Variants in PLCE1 observed in about 807,000 individuals in gnomAD.
PLCE1 encodes phospholipase C epsilon 1.
In PLCE1, 119 loss-of-function variants were observed where a neutral mutation model predicts 242.8. The ratio of observed to expected loss-of-function variants is 0.49; its 90% CI spans 0.42 to 0.57. The LOEUF is 0.57. Among genes scored for constraint, PLCE1 ranks in the 20% least tolerant of loss-of-function variants. PLCE1 has a pLI of 0.00. For missense variants in PLCE1, 2,441 were observed against 2,788.8 expected (o/e 0.88, Z 2.81); for synonymous variants, 945 against 1,017.4 (o/e 0.93, Z 1.35).
chr10:94,149,720 C>G (rs779282372), intron 3 of PLCE1, among the ~76,000 whole-genome samples: 5 of 152,102 alleles, frequency 3.3e-5, no homozygotes. Context: ...CTCCCAATTC[C>G]CTTCCATAGA....
In PLCE1 at chr10:94,089,457, T is replaced by C. The variant is rs370993177; in HGVS notation, c.1207-42717T>C. The stretch of plus-strand genomic sequence containing the variant: ...GGGGACTGTTTCTTTACTAGCACCA[T>C]TGTGCAGTGTTAGCCAAAATACAAT... On this transcript the variant is annotated intron_variant, in intron 2 of 32. Transcript: ENST00000371380. 17 of 1,115,522 alleles carry C rather than the reference T, an allele frequency of 1.5e-5. No individual in the cohort carries two copies. The East Asian group carries it at 2.6e-4, about 17-fold the overall frequency. 69.1% of individuals were successfully genotyped at this position (1,115,522 alleles called of 1,614,324 possible). A position where few individuals can be genotyped will look rare whatever the true frequency, so the allele number is the denominator to read the frequency against.
rs1380038588 is a variant in PLCE1, at chr10:94,318,606, TG to T, written c.6342+1851del. Among the ~76,000 whole-genome samples, 5 of 152,308 alleles carry T rather than the reference TG, an allele frequency of 3.3e-5. No homozygotes were observed. The East Asian group carries it at 9.7e-4, about 29-fold the overall frequency. On this transcript the variant is annotated intron_variant, in intron 29 of 32. Coordinates refer to ENST00000371380, the MANE Select transcript of PLCE1 (RefSeq NM_016341.4). ...TCCTGTGCTACCCAAGCTGAAATTG[TG>T]TCCATCCTTGTGGATCACCCACACT...
chr10:94,265,564 GCTTTAAAAAAT>G (rs2051483844), intron 14 of PLCE1, 72 bp from the exon 15 acceptor site: 1 of 1,170,748 alleles, frequency 8.5e-7, no homozygotes, highest in African/African-American at 1.5e-5. Flanking sequence ...AAACAGAACA[GCTTTAAAAAAT>G]GATGTGGTGG....
At chr10:94,215,794 A>G (rs1456031181) in intron 4 of PLCE1, among the ~76,000 whole-genome samples, 1 of 152,182 alleles carries the variant, frequency 6.6e-6, no homozygotes, top group Non-Finnish European at 1.5e-5. Context: ...ATGGTAGCAC[A>G]CACCTGTAGT....
At chr10:94,044,778 C>T (rs2061845011) in intron 2 of PLCE1, among the ~76,000 whole-genome samples, 2 of 152,242 alleles carry the variant, frequency 1.3e-5, no homozygotes, top group African/African-American at 4.8e-5. Context: ...GCACATGGAA[C>T]AGAAGCAGAA....
intron 3 of PLCE1, among the ~76,000 whole-genome samples, chr10:94,151,633 A>G (rs1361564002): frequency 6.6e-6 from 1 of 152,184 alleles, no homozygotes; most frequent in African/African-American, 2.4e-5. Flanking sequence ...CGATGGTTAC[A>G]GCTTGAGGTG....
At chr10:94,043,106 G>A (rs1484313404) in intron 2 of PLCE1, among the ~76,000 whole-genome samples, 1 of 152,162 alleles carries the variant, frequency 6.6e-6, no homozygotes, top group Non-Finnish European at 1.5e-5. Context: ...GTATATTAAA[G>A]TGCTTGGCAA....
At chr10:94,278,645 G>A (rs35443777) in intron 19 of PLCE1, among the ~76,000 whole-genome samples, 52,172 of 151,946 alleles carry the variant, frequency 0.34, 9,077 homozygotes, top group Middle Eastern at 0.47. Context: ...AAGGGATCCT[G>A]TCTCACCAGA....
intron 2 of PLCE1, among the ~76,000 whole-genome samples, chr10:94,037,394 G>C (rs141296176): frequency 5.3e-5 from 8 of 152,280 alleles, no homozygotes; most frequent in Non-Finnish European, 1.2e-4. Flanking sequence ...TGTTGTAAGG[G>C]ATTGCTGTTG....
chr10:94,094,007 T>A (rs1465075703), intron 2 of PLCE1, among the ~76,000 whole-genome samples: 30 of 127,844 alleles, frequency 2.3e-4, no homozygotes, highest in African/African-American at 9.2e-4. Context: ...AGTGGCGGGA[T>A]CTCGGCTCAC....
intron 1 of PLCE1, among the ~76,000 whole-genome samples, chr10:94,022,419 G>A (rs2061389285): frequency 6.6e-6 from 1 of 151,778 alleles, no homozygotes; most frequent in Non-Finnish European, 1.5e-5. Flanking sequence ...ATGTGTGTGT[G>A]TATTCATATG....
chr10:94,324,689 G>A (rs1383251667), intron 31 of PLCE1, 122 bp downstream of exon 31: 2 of 1,023,846 alleles, frequency 2.0e-6, no homozygotes, highest in Admixed American at 1.9e-5. Context: ...ATGGAGTTAG[G>A]AGAAAATTGT....
At chr10:94,039,993 G>T (rs1240725143) in intron 2 of PLCE1, among the ~76,000 whole-genome samples, 1 of 152,194 alleles carries the variant, frequency 6.6e-6, no homozygotes, top group Non-Finnish European at 1.5e-5. Context: ...TATGAATGAA[G>T]ATCAGGCAAG....
chr10:94,057,327 C>CA (rs1390556306), intron 2 of PLCE1, among the ~76,000 whole-genome samples: 1 of 151,972 alleles, frequency 6.6e-6, no homozygotes, highest in South Asian at 2.1e-4. Context: ...AAATTTTCTT[C>CA]AAAAAAATTT....
chr10:94,145,053 A>T (rs1462046651), intron 3 of PLCE1, among the ~76,000 whole-genome samples: 2 of 152,226 alleles, frequency 1.3e-5, no homozygotes, highest in Non-Finnish European at 2.9e-5. Flanking sequence ...CTTACATTTC[A>T]AAAGGATGAT....
intron 2 of PLCE1, among the ~76,000 whole-genome samples, chr10:94,092,407 T>C (rs1435368917): frequency 7.9e-5 from 12 of 152,160 alleles, no homozygotes; most frequent in Non-Finnish European, 1.6e-4. Context: ...CCCTTATAGC[T>C]CTGGAGGTTG....
chr10:94,008,879 A>C (rs1018189826), intron 1 of PLCE1, among the ~76,000 whole-genome samples: 4 of 152,120 alleles, frequency 2.6e-5, no homozygotes, highest in African/African-American at 9.7e-5. Flanking sequence ...GGGACTCAGA[A>C]GTAGATGAGA....
In PLCE1 at chr10:94,053,373, G is replaced by C. The variant is rs192071586; in HGVS notation, c.1206+21121G>C. On this transcript the variant is annotated intron_variant, in intron 2 of 32. Transcript: ENST00000371380. ...CTCTGTGACTACTAATCGTAAGAAT[G>C]AATTGTGAAGATCTTTAGTACAGGA... 3.6e-3 allele frequency among the ~76,000 whole-genome samples: 544 copies of C among 152,362 alleles called. 1 individual carries two copies. The highest frequency in any genetic ancestry group is 0.012 in the African/African-American group (513 of 41,596).
At chr10:94,324,150 C>T (rs911222351) in intron 30 of PLCE1, among the ~76,000 whole-genome samples, 199 bp from the exon 31 acceptor site, 34 of 152,162 alleles carry the variant, frequency 2.2e-4, no homozygotes, top group African/African-American at 7.5e-4. Flanking sequence ...TAGACTGTTG[C>T]AAAGCTAAAT....
Sources: allele counts gnomAD v4.1 joint callset (sites outside exome capture counted in the v4.1 genomes callset), GRCh38; gene constraint gnomAD v4.1.1; transcripts MANE v1.5; gene names NCBI Gene and HGNC (gene_info 2026-07-23, HGNC 2026-07-21).